The following REV3L variants were observed in gnomAD, a reference collection of about 807,000 sequenced individuals.
The protein encoded by REV3L is REV3 like, DNA directed polymerase zeta catalytic subunit, also known as DNA polymerase zeta catalytic subunit.
A neutral mutation model predicts 299.4 loss-of-function variants in REV3L; 69 were observed. The ratio of observed to expected loss-of-function variants is 0.23; its 90% CI spans 0.19 to 0.28. The LOEUF is 0.28. Ranked by LOEUF, REV3L falls within the 10% of genes least tolerant of loss-of-function variation. The pLI is 1.00. For synonymous variants in REV3L, 1,238 were observed against 1,271.4 expected (o/e 0.97, Z 0.56); for missense variants, 3,128 against 3,693.8 (o/e 0.85, Z 3.97).
At chr6:111,436,483 G>A (rs1248679926) in intron 1 of REV3L, among the ~76,000 whole-genome samples, 2 of 152,088 alleles carry the variant, frequency 1.3e-5, no homozygotes, top group African/African-American at 4.8e-5. Flanking sequence ...TTGCAGCAAC[G>A]TAAGTGAAAC....
chr6:111,320,649 T>C (rs1021633879), intron 26 of REV3L, among the ~76,000 whole-genome samples: 6 of 151,906 alleles, frequency 3.9e-5, no homozygotes, highest in Admixed American at 3.9e-4. Context: ...CACTAAACGT[T>C]TGGGTTTCTT....
Position 111,367,677 on chromosome 6 carries a change from A to G in REV3L, c.6111T>C (p.Phe2037=), listed in dbSNP as rs1779364221. 2 of 1,614,212 alleles carry G rather than the reference A, an allele frequency of 1.2e-6. No individual in the cohort carries two copies. Among genetic ancestry groups the G allele is most frequent in the East Asian group, 2.2e-5 (1 of 44,888 alleles). The part of the protein sequence containing the change: ...PTGVVKSAEN[F]SSSVNPDDKP... ...TGTCATCTGGGTTAACTGAAGAGCT[A>G]AAGTTCTCAGCAGATTTTACAACTC... is the stretch of plus-strand genomic sequence containing the variant. Residue 2037 remains phenylalanine (F), a synonymous_variant, in exon 14 of 32, where the codon TTT becomes TTC. Coordinates refer to ENST00000368802, the MANE Select transcript of REV3L (RefSeq NM_001372078.1).
intron 1 of REV3L, chr6:111,431,482 T>G: frequency 2.0e-6 from 2 of 1,021,076 alleles, no homozygotes; most frequent in Non-Finnish European, 3.1e-6. Context: ...ACCAGATTGC[T>G]CAGGGAGCTA....
chr6:111,333,802 T>C (rs1775638846), intron 22 of REV3L, among the ~76,000 whole-genome samples: 1 of 152,172 alleles, frequency 6.6e-6, no homozygotes, highest in Non-Finnish European at 1.5e-5. Context: ...TAGTCAGCTT[T>C]CAGATGCGAA....
intron 1 of REV3L, among the ~76,000 whole-genome samples, chr6:111,418,042 A>G (rs118008540): frequency 0.015 from 2,318 of 152,342 alleles, 25 homozygotes; most frequent in South Asian, 0.045. Context: ...TAATCAATTT[A>G]CTGATGACTT....
intron 1 of REV3L, among the ~76,000 whole-genome samples, chr6:111,421,435 C>T (rs917666254): frequency 6.6e-6 from 1 of 152,138 alleles, no homozygotes; most frequent in African/African-American, 2.4e-5. Flanking sequence ...CATAACTCTG[C>T]TGTTGTAGCC....
intron 12 of REV3L, 144 bp from the exon 13 acceptor site, chr6:111,376,901 A>G: frequency 1.8e-6 from 1 of 568,332 alleles, no homozygotes; most frequent in African/African-American, 1.9e-5. Flanking sequence ...GGTAATGCTT[A>G]TCATTAATGA....
intron 1 of REV3L, chr6:111,431,460 C>T (rs753663578): frequency 7.9e-5 from 83 of 1,052,694 alleles, no homozygotes; most frequent in Admixed American, 2.6e-4. Context: ...CCAGAAGAAA[C>T]TTGATGAGAC....
intron 1 of REV3L, among the ~76,000 whole-genome samples, chr6:111,448,327 G>T (rs1411721065): frequency 6.6e-6 from 1 of 151,842 alleles, no homozygotes; most frequent in East Asian, 1.9e-4. Context: ...TTTATTGGAG[G>T]TTTTCTTTTT....
rs889837536 is a variant in REV3L, at chr6:111,312,155, T to C, written c.8605-896A>G. The C allele has an allele frequency of 1.1e-4, 16 of 152,218 alleles. 1 individual carries two copies. The highest frequency in any genetic ancestry group is 3.9e-4 in the African/African-American group (16 of 41,456). 9.4% of individuals were successfully genotyped at this position (152,218 alleles called of 1,614,324 possible). On this transcript the variant is annotated intron_variant, in intron 28 of 31. Transcript: ENST00000368802. ...AAGCTCTGTGTCTTATTCTGAATAC[T>C]GGAACCAATGGATATTTATACAATA...
Position 111,431,851 on chromosome 6 carries a change from G to T in REV3L, c.140-15379C>A, listed in dbSNP as rs1786972273. On this transcript the variant is annotated intron_variant, in intron 1 of 31. Coordinates refer to ENST00000368802, the MANE Select transcript of REV3L (RefSeq NM_001372078.1). ...ATTCTTAACTTAGAAACGCTTTTTA[G>T]AATATGTTAAATATTTGTAAATTGT... 9.8e-6 allele frequency: 5 copies of T among 511,150 alleles called. No individual in the cohort carries two copies. In the Admixed American group the frequency reaches 1.4e-4, roughly 15 times the overall value. The allele number at this position is 511,150 out of a possible 1,614,324, so 31.7% of individuals were successfully genotyped here. A position where few individuals can be genotyped will look rare whatever the true frequency, so the allele number is the denominator to read the frequency against.
chr6:111,392,781 A>G lies in REV3L; in HGVS notation c.662+95T>C. 3 of 762,046 alleles carry G rather than the reference A, an allele frequency of 3.9e-6. No individual in the cohort carries two copies. In the South Asian group the frequency reaches 5.1e-5, roughly 13 times the overall value. The allele number at this position is 762,046 out of a possible 1,614,324, so 47.2% of individuals were successfully genotyped here. A position where few individuals can be genotyped will look rare whatever the true frequency, so the allele number is the denominator to read the frequency against. On this transcript the variant is annotated intron_variant, in intron 5 of 31. Coordinates refer to ENST00000368802, the MANE Select transcript of REV3L (RefSeq NM_001372078.1). ...TGTATAGATTAAAAAGATCCAATACAATAAAAGGTTAAAATTTAATTATGG... is the reference window on the plus strand; with the variant it reads ...TGTATAGATTAAAAAGATCCAATACGATAAAAGGTTAAAATTTAATTATGG...
intron 18 of REV3L, among the ~76,000 whole-genome samples, chr6:111,354,560 C>A (rs1329288735): frequency 6.6e-6 from 1 of 152,010 alleles, no homozygotes; most frequent in African/African-American, 2.4e-5. Context: ...GATGTTTAGT[C>A]TGGAGGATGT....
chr6:111,410,050 C>G (rs1784083178), intron 3 of REV3L, among the ~76,000 whole-genome samples: 1 of 152,086 alleles, frequency 6.6e-6, no homozygotes, highest in Admixed American at 6.5e-5. Flanking sequence ...ATTAAACATG[C>G]ATAAACAGGT....
At chr6:111,431,573 A>G (rs567234601) in intron 1 of REV3L, 1 of 777,468 alleles carries the variant, frequency 1.3e-6, no homozygotes, top group African/African-American at 1.7e-5. Flanking sequence ...TCATACAGAG[A>G]AATGCATCTC....
intron 27 of REV3L, 72 bp from the exon 28 acceptor site, chr6:111,313,561 T>C: frequency 7.0e-7 from 1 of 1,421,088 alleles, no homozygotes; most frequent in East Asian, 2.4e-5. Flanking sequence ...TTTTATGTCT[T>C]TGTGCTTTCT....
At chr6:111,459,797 GA>G (rs773660870) in intron 1 of REV3L, among the ~76,000 whole-genome samples, 15 of 152,246 alleles carry the variant, frequency 9.9e-5, no homozygotes, top group Non-Finnish European at 1.8e-4. Context: ...GGAGAAAAGG[GA>G]AAACCTTTAC....
At chr6:111,471,992 T>C in intron 1 of REV3L, 1 of 1,181,366 alleles carries the variant, frequency 8.5e-7, no homozygotes, top group Non-Finnish European at 1.1e-6. Flanking sequence ...CCCAATATAT[T>C]AACCAAAATA....
At chr6:111,478,673 T>C (rs1793240536) in intron 1 of REV3L, among the ~76,000 whole-genome samples, 1 of 151,924 alleles carries the variant, frequency 6.6e-6, no homozygotes. Flanking sequence ...TTATATTTAA[T>C]TTTATAAAAT....
Sources: gnomAD v4.1 joint callset for allele counts (sites outside exome capture counted in the v4.1 genomes callset) on GRCh38, gnomAD v4.1.1 for gene constraint, MANE v1.5 for transcripts, NCBI Gene and HGNC (gene_info 2026-07-23, HGNC 2026-07-21) for gene names.